The following LGI2 variants were observed in gnomAD, a reference collection of about 807,000 sequenced individuals.
The protein encoded by LGI2 is leucine-rich repeat LGI family member 2.
LGI2 carries 30 observed loss-of-function variants against 52.0 expected under a neutral mutation model. That is an observed-to-expected ratio of 0.58 (90% CI 0.43 to 0.78). The LOEUF (loss-of-function observed/expected upper bound fraction) is 0.78, where lower values mean the gene tolerates loss of function less well. Ranked by LOEUF, LGI2 falls within the 30% of genes least tolerant of loss-of-function variation. The probability of loss-of-function intolerance (pLI) is 0.00; values close to 1 mark genes in which losing one functional copy is unlikely to be tolerated. For missense variants in LGI2, 573 were observed against 692.5 expected, an observed-to-expected ratio of 0.83 and a Z score of 1.94; for synonymous variants, 270 against 271.8, an observed-to-expected ratio of 0.99 and a Z score of 0.06.
At chr4:25,011,907 AG>A (rs1277155896) in intron 7 of LGI2, among the ~76,000 whole-genome samples, 1 of 152,186 alleles carries the variant, frequency 6.6e-6, no homozygotes, top group Admixed American at 6.5e-5. Flanking sequence ...AAAGGGCACT[AG>A]GAACAAACTA....
At chr4:25,025,082 G>T (rs1726101668) in intron 3 of LGI2, among the ~76,000 whole-genome samples, 191 bp from the exon 4 acceptor site, 1 of 152,200 alleles carries the variant, frequency 6.6e-6, no homozygotes, top group African/African-American at 2.4e-5. Flanking sequence ...GCACGGGAGT[G>T]TGTGGTCTGC....
intron 4 of LGI2, among the ~76,000 whole-genome samples, chr4:25,021,356 G>A (rs1040323152): frequency 6.6e-6 from 1 of 152,200 alleles, no homozygotes; most frequent in African/African-American, 2.4e-5. Flanking sequence ...GATTGGCACA[G>A]GTCCTTCAAT....
In LGI2 at chr4:25,012,504, G is replaced by C; in HGVS notation, c.656-5C>G. Reference sequence around the variant, plus strand: ...AAGTCTGATGAACAACAAAATCTGGGGATGGGTGTTTAAAAAGAAAAGCGT... The same window carrying C: ...AAGTCTGATGAACAACAAAATCTGGCGATGGGTGTTTAAAAAGAAAAGCGT... On this transcript the variant is annotated splice_polypyrimidine_tract_variant and splice_region_variant and intron_variant, in intron 6 of 7. Coordinates refer to ENST00000382114, the MANE Select transcript of LGI2 (RefSeq NM_018176.4). 1 of 1,612,146 alleles carries C rather than the reference G, an allele frequency of 6.2e-7. No homozygotes were observed. The highest frequency in any genetic ancestry group is 8.5e-7 in the Non-Finnish European group (1 of 1,178,594).
chr4:25,029,363 T>G (rs1726252629), intron 1 of LGI2, among the ~76,000 whole-genome samples: 1 of 152,214 alleles, frequency 6.6e-6, no homozygotes, highest in Non-Finnish European at 1.5e-5. Flanking sequence ...CTCTTCTGAC[T>G]TTCTATAAAT....
chr4:25,023,204 A>G (rs1245721882), intron 4 of LGI2, among the ~76,000 whole-genome samples: 1 of 152,144 alleles, frequency 6.6e-6, no homozygotes. Flanking sequence ...AGTTATCCCT[A>G]TTTTAAGGAG....
intron 5 of LGI2, 34 bp downstream of exon 5, chr4:25,019,133 G>T: frequency 7.6e-7 from 1 of 1,311,676 alleles, no homozygotes; most frequent in South Asian, 1.2e-5. Context: ...GGGGCACAAT[G>T]ACAAACACAC....
chr4:25,029,606 G>A (rs952919142), intron 1 of LGI2, among the ~76,000 whole-genome samples: 1 of 152,206 alleles, frequency 6.6e-6, no homozygotes, highest in Non-Finnish European at 1.5e-5. Context: ...CCCTTCCACC[G>A]CCCTTGTGAG....
At chr4:24,992,412 G>T in the LGI2 span, among the ~76,000 whole-genome samples, 1 of 152,088 alleles carries the variant, frequency 6.6e-6, no homozygotes, top group East Asian at 1.9e-4. Flanking sequence ...TGGGTGGTCA[G>T]CAGAAAAGGC....
At position 25,030,483 on chromosome 4, in the gene LGI2, G is replaced by A. The variant is rs1208201256; in HGVS notation, c.197+14C>T. On this transcript the variant is annotated intron_variant, in intron 1 of 7. Transcript: ENST00000382114. ...GGGGCGGGACGGGATGGGGGCTGGAGGGGTCCCACTCACAGGGAGCTGATG... is the reference window on the plus strand; with the variant it reads ...GGGGCGGGACGGGATGGGGGCTGGAAGGGTCCCACTCACAGGGAGCTGATG... The A allele has an allele frequency of 5.7e-6, 9 of 1,574,972 alleles. No individual in the cohort carries two copies. In the Admixed American group the frequency reaches 1.5e-4, roughly 26 times the overall value.
At chr4:25,018,659 C>T (rs1478039816) in intron 5 of LGI2, among the ~76,000 whole-genome samples, 4 of 152,046 alleles carry the variant, frequency 2.6e-5, no homozygotes, top group South Asian at 4.1e-4. Context: ...GTTAGGAGTT[C>T]GAGACTAGCC....
At chr4:25,005,826 G>A (rs1255262912) in intron 7 of LGI2, among the ~76,000 whole-genome samples, 1 of 152,144 alleles carries the variant, frequency 6.6e-6, no homozygotes, top group Non-Finnish European at 1.5e-5. Flanking sequence ...GGTGGCCTAG[G>A]GTTCAAAGCC....
downstream of LGI2, among the ~76,000 whole-genome samples, chr4:24,995,983 G>A (rs534928157): frequency 7.9e-5 from 12 of 152,322 alleles, no homozygotes; most frequent in South Asian, 2.5e-3. Context: ...GAGCTTTGCG[G>A]AAGAGTGGAG....
intron 7 of LGI2, among the ~76,000 whole-genome samples, chr4:25,009,546 T>A (rs1470232585): frequency 1.3e-5 from 2 of 152,230 alleles, no homozygotes; most frequent in Non-Finnish European, 2.9e-5. Flanking sequence ...ACTACAATTA[T>A]TTTTACAATA....
chr4:25,023,648 CA>C (rs1726048581), intron 4 of LGI2, among the ~76,000 whole-genome samples: 1 of 152,208 alleles, frequency 6.6e-6, no homozygotes, highest in African/African-American at 2.4e-5. Flanking sequence ...AAGGTACTAC[CA>C]TCCCTGCCCA....
chr4:25,022,913 G>A (rs1306986567), intron 4 of LGI2, among the ~76,000 whole-genome samples: 2 of 152,150 alleles, frequency 1.3e-5, no homozygotes, highest in Non-Finnish European at 2.9e-5. Flanking sequence ...CTGACTTCTG[G>A]GAACCAGACT....
At chr4:25,009,363 G>T (rs566890421) in intron 7 of LGI2, among the ~76,000 whole-genome samples, 28 of 152,002 alleles carry the variant, frequency 1.8e-4, no homozygotes, top group Admixed American at 1.8e-3. Flanking sequence ...CTCTCCATGC[G>T]AACCAATCCC....
intron 6 of LGI2, among the ~76,000 whole-genome samples, chr4:25,013,289 T>A (rs1225460811): frequency 6.6e-6 from 1 of 152,168 alleles, no homozygotes; most frequent in Admixed American, 6.5e-5. Flanking sequence ...TGGCCTTGCT[T>A]CTCAGCCCAC....
At chr4:24,998,030 A>C (rs1725134281), downstream of LGI2, among the ~76,000 whole-genome samples, 1 of 152,068 alleles carries the variant, frequency 6.6e-6, no homozygotes, top group South Asian at 2.1e-4. Flanking sequence ...GGTGCGTGCC[A>C]CCACACCCAG....
Position 25,004,454 on chromosome 4 carries a change from T to C in LGI2, c.821-186A>G, listed in dbSNP as rs999302758. ...GAGCCAGCAATTCCACTTCTTTGTATATACCCAAAATAATTGAAAGCAGTG... is the reference window on the plus strand; with the variant it reads ...GAGCCAGCAATTCCACTTCTTTGTACATACCCAAAATAATTGAAAGCAGTG... On this transcript the variant is annotated intron_variant, in intron 7 of 7. Transcript: ENST00000382114. The surrounding 1 kb of genome is among the most constrained non-coding windows in gnomAD (Gnocchi z 4.6). 2.0e-5 allele frequency among the ~76,000 whole-genome samples: 3 copies of C among 152,198 alleles called. No homozygotes were observed. Among genetic ancestry groups the C allele is most frequent in the African/African-American group, 7.2e-5 (3 of 41,450 alleles).
Sources: allele counts gnomAD v4.1 joint callset (sites outside exome capture counted in the v4.1 genomes callset), GRCh38; gene constraint gnomAD v4.1.1; non-coding constraint Gnocchi (gnomAD v3.1); transcripts MANE v1.5; gene names NCBI Gene and HGNC (gene_info 2026-07-23, HGNC 2026-07-21).